Variants in ZFPM1 observed in about 807,000 individuals in gnomAD.
The protein encoded by ZFPM1 is zinc finger protein, FOG family member 1.
Under a neutral mutation model 46.3 loss-of-function variants are expected in ZFPM1, and 28 were observed. The observed-to-expected ratio is 0.60, with a 90% CI of 0.45 to 0.83. The LOEUF (loss-of-function observed/expected upper bound fraction) is 0.83, where lower values mean the gene tolerates loss of function less well. ZFPM1 is among the 40% of genes least tolerant of loss of function. The pLI is 0.00. For synonymous variants in ZFPM1, 957 were observed against 675.9 expected (o/e 1.42, Z -6.45); for missense variants, 1,878 against 1,432.4 (o/e 1.31, Z -5.02).
intron 1 of ZFPM1, among the ~76,000 whole-genome samples, chr16:88,472,268 C>T (rs1403743023): frequency 1.3e-5 from 2 of 152,172 alleles, no homozygotes; most frequent in African/African-American, 4.8e-5. Flanking sequence ...CGCCTCGGTC[C>T]CAGGAGAAAG....
rs138593670 is a variant in ZFPM1, at chr16:88,531,830, T to G, written c.713-172T>G. Among the ~76,000 whole-genome samples the G allele has an allele frequency of 8.0e-3, 1,214 of 152,268 alleles. 19 individuals carry two copies. The highest frequency in any genetic ancestry group is 0.027 in the African/African-American group (1,139 of 41,550). The stretch of plus-strand genomic sequence containing the variant: ...TGGGATCTACGGAAGGGAGTGGGGC[T>G]GTCACAGGACCATCCAGGAGGCTTA... On this transcript the variant is annotated intron_variant, in intron 6 of 9. Coordinates refer to ENST00000319555, the MANE Select transcript of ZFPM1 (RefSeq NM_153813.3).
rs1186350021 is a variant in ZFPM1 at position 88,534,270 on chromosome 16, C to CCGGAAG, written c.2328_2333dup (p.Ser777_Gly778dup). The CCGGAAG allele has an allele frequency of 5.7e-4, 644 of 1,123,896 alleles. 5 individuals carry two copies. The highest frequency in any genetic ancestry group is 4.9e-3 in the East Asian group (100 of 20,366). The allele number at this position is 1,123,896 out of a possible 1,614,324, so 69.6% of individuals were successfully genotyped here. A position where few individuals can be genotyped will look rare whatever the true frequency, so the allele number is the denominator to read the frequency against. ...GCCCCCGCGCCCGAGTCGCCGCGGCCCGGAAGCGGAAGCGGAAGCGGCCCC... is the reference window on the plus strand; with the variant it reads ...GCCCCCGCGCCCGAGTCGCCGCGGCCCGGAAGCGGAAGCGGAAGCGGAAGCGGCCCC... On this transcript the variant is annotated inframe_insertion, in exon 10 of 10. Coordinates refer to ENST00000319555, the MANE Select transcript of ZFPM1 (RefSeq NM_153813.3).
intron 1 of ZFPM1, among the ~76,000 whole-genome samples, chr16:88,483,853 G>T (rs1044682147): frequency 6.6e-6 from 1 of 152,238 alleles, no homozygotes; most frequent in African/African-American, 2.4e-5. Context: ...GTCCAAACGC[G>T]CAGAAAATCC....
chr16:88,504,338 G>A (rs182294793), intron 3 of ZFPM1, among the ~76,000 whole-genome samples: 33 of 152,258 alleles, frequency 2.2e-4, no homozygotes, highest in Admixed American at 3.9e-4. Flanking sequence ...GGGAGAGCCA[G>A]GGACCCCCAC....
chr16:88,528,579 C>G (rs1276074135), intron 6 of ZFPM1, among the ~76,000 whole-genome samples: 1 of 152,210 alleles, frequency 6.6e-6, no homozygotes, highest in Admixed American at 6.5e-5. Flanking sequence ...GAGCAGGACC[C>G]TCACCTCGGC....
At chr16:88,458,831 C>G (rs1255291847) in intron 1 of ZFPM1, among the ~76,000 whole-genome samples, 1 of 152,206 alleles carries the variant, frequency 6.6e-6, no homozygotes, top group Non-Finnish European at 1.5e-5. Context: ...ACCCTACACT[C>G]AGGCAGGAGT....
In ZFPM1 at chr16:88,534,548, C is replaced by A; in HGVS notation, c.2590C>A (p.Pro864Thr). Residue 864 changes from proline to threonine, a missense_variant, in exon 10 of 10, where the codon CCG (proline) becomes ACG (threonine). Transcript: ENST00000319555. ...AACPYCPPNG[P>T]VRGDLLEHFR... The stretch of plus-strand genomic sequence containing the variant: ...CTGCCCCTACTGCCCCCCGAACGGC[C>A]CGGTGCGCGGGGACCTGCTGGAGCA... 7.3e-7 allele frequency: 1 copy of A among 1,365,428 alleles called. No homozygotes were observed. Among genetic ancestry groups the A allele is most frequent in the Non-Finnish European group, 9.4e-7 (1 of 1,061,756 alleles). The allele number at this position is 1,365,428 out of a possible 1,614,324, so 84.6% of individuals were successfully genotyped here.
At position 88,534,697 on chromosome 16, in the gene ZFPM1, G is replaced by C. The variant is rs1428706925; in HGVS notation, c.2739G>C (p.Gly913=). ...CCCCCGCCGCCTCCCCGCAGCCCGG[G>C]TCCCGTGGCCCCCGGGACGGCCTCG... The part of the protein sequence containing the change: ...APAPAASPQP[G]SRGPRDGLGP... Residue 913 remains glycine, a synonymous_variant, in exon 10 of 10, where the codon GGG becomes GGC. Coordinates refer to ENST00000319555, the MANE Select transcript of ZFPM1 (RefSeq NM_153813.3). 2.0e-6 allele frequency: 2 copies of C among 982,816 alleles called. No individual in the cohort carries two copies. Among genetic ancestry groups the C allele is most frequent in the African/African-American group, 3.6e-5 (2 of 55,600 alleles). 60.9% of individuals were successfully genotyped at this position (982,816 alleles called of 1,614,324 possible). A position where few individuals can be genotyped will look rare whatever the true frequency, so the allele number is the denominator to read the frequency against.
At chr16:88,485,750 G>A (rs1460795068) in intron 1 of ZFPM1, among the ~76,000 whole-genome samples, 189 bp from the exon 2 acceptor site, 1 of 152,108 alleles carries the variant, frequency 6.6e-6, no homozygotes, top group Non-Finnish European at 1.5e-5. Context: ...GTCAAGTCTT[G>A]AGGAACCCAG....
chr16:88,531,938 C>A, intron 6 of ZFPM1, 64 bp from the exon 7 acceptor site: 1 of 1,492,608 alleles, frequency 6.7e-7, no homozygotes, highest in Non-Finnish European at 9.1e-7. Context: ...TGCCTCCGCC[C>A]ACAGCCTTGC....
chr16:88,499,253 C>T (rs1279036498), intron 3 of ZFPM1, among the ~76,000 whole-genome samples: 2 of 152,222 alleles, frequency 1.3e-5, no homozygotes, highest in African/African-American at 4.8e-5. Context: ...CTCGAAGTCC[C>T]GAAATCGCAG....
In ZFPM1 at chr16:88,532,681, C is replaced by T; in HGVS notation, c.1014C>T (p.His338=). 4 of 1,608,300 alleles carry T rather than the reference C, an allele frequency of 2.5e-6. No individual in the cohort carries two copies. Among genetic ancestry groups the T allele is most frequent in the Non-Finnish European group, 3.4e-6 (4 of 1,177,662 alleles). Residue 338 remains histidine (H), a synonymous_variant, in exon 8 of 10, where the codon CAC becomes CAT. Transcript: ENST00000319555. ...CCACCAAGGCCAACTGCGAGCGGCA[C>T]CTCAAGGTGCACACGGACACGCTGA... The part of the protein sequence containing the change: ...AFTTKANCER[H]LKVHTDTLSG...
Position 88,507,371 on chromosome 16 carries a change from TCAGTGACC to T in ZFPM1, c.269-7012_269-7005del, listed in dbSNP as rs578044057. ...GGTCTGCCCAGAGGTGCCATGGCCA[TCAGTGACC>T]CAGCCAGGGCTGGAGTCAAGCCTGG... On this transcript the variant is annotated intron_variant, in intron 3 of 9. Transcript: ENST00000319555. Among the ~76,000 whole-genome samples, 9 of 152,270 alleles carry T rather than the reference TCAGTGACC, an allele frequency of 5.9e-5. 1 individual carries two copies. In the South Asian group the frequency reaches 1.9e-3, roughly 32 times the overall value.
chr16:88,484,801 A>G (rs1178587521), intron 1 of ZFPM1, among the ~76,000 whole-genome samples: 1 of 152,108 alleles, frequency 6.6e-6, no homozygotes, highest in Non-Finnish European at 1.5e-5. Context: ...GTCAGCACAC[A>G]CACCTGCACT....
rs1048964320 is a variant in ZFPM1 at position 88,477,258 on chromosome 16, G to A, written c.41-8681G>A. Among the ~76,000 whole-genome samples, 9 of 152,368 alleles carry A rather than the reference G, an allele frequency of 5.9e-5. No homozygotes were observed. The East Asian group carries it at 1.4e-3, about 23-fold the overall frequency. ...GTGGGCTTTGGCCTGTGAGGGCCCCGGGTCAGCGGAGAAGGGCACGGGGAA... is the reference window on the plus strand; with the variant it reads ...GTGGGCTTTGGCCTGTGAGGGCCCCAGGTCAGCGGAGAAGGGCACGGGGAA... On this transcript the variant is annotated intron_variant, in intron 1 of 9. Coordinates refer to ENST00000319555, the MANE Select transcript of ZFPM1 (RefSeq NM_153813.3).
chr16:88,537,012 A>C lies in ZFPM1; in HGVS notation c.*2033A>C, dbSNP rs542039188. 6.6e-6 allele frequency: 1 copy of C among 152,262 alleles called. No homozygotes were observed. Among genetic ancestry groups the C allele is most frequent in the Admixed American group, 6.5e-5 (1 of 15,306 alleles). 9.4% of individuals were successfully genotyped at this position (152,262 alleles called of 1,614,324 possible). A position where few individuals can be genotyped will look rare whatever the true frequency, so the allele number is the denominator to read the frequency against. On this transcript the variant is annotated 3_prime_UTR_variant, in exon 10 of 10. Coordinates refer to ENST00000319555, the MANE Select transcript of ZFPM1 (RefSeq NM_153813.3). ...GTACATTTAAAAGTAAACTGTTTAA[A>C]GGTGTCTAGAAACTACGAATACAGT...
In ZFPM1 at chr16:88,531,890, G is replaced by C. The variant is rs1291503379; in HGVS notation, c.713-112G>C. ...GAAGGGGTCAAAGCCTCAGCTCCTG[G>C]GGTGGGGAGGACGGTGGGGTCCGTC... On this transcript the variant is annotated intron_variant, in intron 6 of 9. Transcript: ENST00000319555. The C allele has an allele frequency of 3.4e-5, 35 of 1,033,744 alleles. No individual in the cohort carries two copies. In the East Asian group the frequency reaches 7.5e-4, roughly 22 times the overall value. 64.0% of individuals were successfully genotyped at this position (1,033,744 alleles called of 1,614,324 possible). A position where few individuals can be genotyped will look rare whatever the true frequency, so the allele number is the denominator to read the frequency against.
At chr16:88,524,404 G>C (rs143116811) in intron 4 of ZFPM1, among the ~76,000 whole-genome samples, 1 of 152,210 alleles carries the variant, frequency 6.6e-6, no homozygotes, top group African/African-American at 2.4e-5. Flanking sequence ...CACAGCTGGC[G>C]TGCAGTTCCT....
chr16:88,516,468 G>T, intron 4 of ZFPM1: 1 of 398,392 alleles, frequency 2.5e-6, no homozygotes. Flanking sequence ...TCTGTGGGGA[G>T]CCCGGGGAGG....
Sources: gnomAD v4.1 joint callset for allele counts (sites outside exome capture counted in the v4.1 genomes callset) on GRCh38, gnomAD v4.1.1 for gene constraint, MANE v1.5 for transcripts, NCBI Gene and HGNC (gene_info 2026-07-23, HGNC 2026-07-21) for gene names.